The following TTC29 variants were observed in gnomAD, a reference collection of about 807,000 sequenced individuals.
The protein encoded by TTC29 is tetratricopeptide repeat domain 29, also known as tetratricopeptide repeat protein 29.
In TTC29, 49 loss-of-function variants were observed where a neutral mutation model predicts 58.1. The ratio of observed to expected loss-of-function variants is 0.84; its 90% confidence interval spans 0.67 to 1.07. The LOEUF is 1.07. Among genes scored for constraint, TTC29 ranks in the 50% least tolerant of loss-of-function variants. TTC29 has a pLI of 0.00. For synonymous variants in TTC29, 209 were observed against 196.8 expected, an observed-to-expected ratio of 1.06 and a Z score of -0.52; for missense variants, 582 against 555.6, an observed-to-expected ratio of 1.05 and a Z score of -0.48.
At chr4:146,806,468 G>A (rs1324929328) in intron 10 of TTC29, among the ~76,000 whole-genome samples, 1 of 152,198 alleles carries the variant, frequency 6.6e-6, no homozygotes, top group Non-Finnish European at 1.5e-5. Context: ...ACCCATCGGT[G>A]TGCTTTATTC....
At chr4:146,842,201 G>T (rs1181678064) in intron 8 of TTC29, among the ~76,000 whole-genome samples, 4 of 152,004 alleles carry the variant, frequency 2.6e-5, no homozygotes, top group Non-Finnish European at 5.9e-5. Flanking sequence ...GAAACCCTCA[G>T]CTGGCCTTTG....
rs115228998 is a variant in TTC29, at chr4:146,845,758, C to T, written c.886-11861G>A. The stretch of plus-strand genomic sequence containing the variant: ...CCAGGCCCTTGTTAATTGCAGGCCC[C>T]GCTGCCTGCATTGTTCTTTCTCATT... On this transcript the variant is annotated intron_variant, in intron 8 of 12. Coordinates refer to ENST00000325106, the MANE Select transcript of TTC29 (RefSeq NM_031956.4). 2.8e-3 allele frequency among the ~76,000 whole-genome samples: 429 copies of T among 152,188 alleles called. 3 individuals are homozygous for T. Among genetic ancestry groups the T allele is most frequent in the African/African-American group, 9.8e-3 (407 of 41,522 alleles).
At chr4:146,905,707 G>T (rs1205296495) in intron 5 of TTC29, among the ~76,000 whole-genome samples, 1 of 152,044 alleles carries the variant, frequency 6.6e-6, no homozygotes, top group Non-Finnish European at 1.5e-5. Context: ...GGTTTCTTAT[G>T]CTCCTTAAAA....
At chr4:146,942,310 T>C (rs1022084122) in intron 2 of TTC29, among the ~76,000 whole-genome samples, 2 of 152,226 alleles carry the variant, frequency 1.3e-5, no homozygotes, top group African/African-American at 2.4e-5. Context: ...TGCTTTAAAG[T>C]GCACAATCTA....
At chr4:146,749,989 G>A in intron 11 of TTC29, among the ~76,000 whole-genome samples, 1 of 151,934 alleles carries the variant, frequency 6.6e-6, no homozygotes, top group East Asian at 1.9e-4. Flanking sequence ...AACAAAAACT[G>A]AGGGAATTTA....
At chr4:146,723,277 AC>A in intron 11 of TTC29, among the ~76,000 whole-genome samples, 1 of 152,204 alleles carries the variant, frequency 6.6e-6, no homozygotes, top group East Asian at 1.9e-4. Flanking sequence ...AAGACCTCAA[AC>A]AATAAGAATC....
intron 11 of TTC29, among the ~76,000 whole-genome samples, chr4:146,739,346 C>A (rs78375917): frequency 6.6e-6 from 1 of 152,170 alleles, no homozygotes; most frequent in Non-Finnish European, 1.5e-5. Flanking sequence ...TTCACCCTGA[C>A]GTCATTCCTT....
chr4:146,797,307 G>A (rs973696023), intron 11 of TTC29, among the ~76,000 whole-genome samples: 1 of 152,158 alleles, frequency 6.6e-6, no homozygotes, highest in African/African-American at 2.4e-5. Flanking sequence ...AATTTAAAAA[G>A]AAAAATTATT....
intron 6 of TTC29, among the ~76,000 whole-genome samples, chr4:146,893,586 GA>G (rs1448923495): frequency 3.3e-5 from 5 of 152,274 alleles, no homozygotes; most frequent in Admixed American, 2.6e-4. Context: ...AACCCTGGAA[GA>G]AAACCTAGGC....
chr4:146,772,600 G>T (rs531530874), intron 11 of TTC29, among the ~76,000 whole-genome samples: 1 of 152,242 alleles, frequency 6.6e-6, no homozygotes, highest in South Asian at 2.1e-4. Context: ...TTTTGTACCA[G>T]TACCATGTGA....
In TTC29 at chr4:146,939,801, T is replaced by C; in HGVS notation, c.92+3A>G. The C allele has an allele frequency of 2.5e-6, 4 of 1,610,912 alleles. No homozygotes were observed. The highest frequency in any genetic ancestry group is 3.4e-6 in the Non-Finnish European group (4 of 1,178,848). ...AAAATAAGTAAAAACCAGGGGCACG[T>C]ACCTTGGAATTTTTCTGGAGGAGCA... On this transcript the variant is annotated splice_donor_region_variant and intron_variant, in intron 3 of 12. Transcript: ENST00000325106.
chr4:146,738,303 T>G (rs1176135249), intron 11 of TTC29, among the ~76,000 whole-genome samples: 1 of 152,098 alleles, frequency 6.6e-6, no homozygotes, highest in Non-Finnish European at 1.5e-5. Flanking sequence ...ATTAACAACT[T>G]TAAGGAGCCT....
intron 11 of TTC29, among the ~76,000 whole-genome samples, chr4:146,756,170 A>G (rs1746433772): frequency 6.6e-6 from 1 of 150,998 alleles, no homozygotes. Flanking sequence ...GCTACTTGGG[A>G]GGCTGAGGAG....
At chr4:146,904,207 T>A (rs1016242101) in intron 5 of TTC29, among the ~76,000 whole-genome samples, 2 of 152,264 alleles carry the variant, frequency 1.3e-5, no homozygotes, top group Non-Finnish European at 2.9e-5. Context: ...GTATTTCATA[T>A]CATAAAAATG....
intron 11 of TTC29, among the ~76,000 whole-genome samples, chr4:146,736,495 CA>C (rs1744717251): frequency 6.6e-6 from 1 of 152,132 alleles, no homozygotes. Flanking sequence ...AGTAATTGGA[CA>C]TGCTAGACAG....
intron 8 of TTC29, among the ~76,000 whole-genome samples, chr4:146,851,394 A>G (rs1484236390): frequency 6.6e-6 from 1 of 152,204 alleles, no homozygotes; most frequent in African/African-American, 2.4e-5. Context: ...TAATCACTAG[A>G]TCAAAATCAT....
intron 4 of TTC29, among the ~76,000 whole-genome samples, chr4:146,925,194 A>T (rs776615252): frequency 6.6e-6 from 1 of 152,030 alleles, no homozygotes; most frequent in Non-Finnish European, 1.5e-5. Context: ...TGTTTGGTGG[A>T]ATATTCTGTA....
At chr4:146,716,971 G>A (rs2149999181) in intron 11 of TTC29, among the ~76,000 whole-genome samples, 1 of 152,178 alleles carries the variant, frequency 6.6e-6, no homozygotes, top group East Asian at 1.9e-4. Flanking sequence ...ACATTTCCTG[G>A]AGCTTGTTAG....
At chr4:146,726,156 G>A in intron 11 of TTC29, among the ~76,000 whole-genome samples, 1 of 152,082 alleles carries the variant, frequency 6.6e-6, no homozygotes, top group East Asian at 1.9e-4. Context: ...GATTACAGGT[G>A]TAAGCCATCA....
Sources: allele counts gnomAD v4.1 joint callset (sites outside exome capture counted in the v4.1 genomes callset), GRCh38; gene constraint gnomAD v4.1.1; transcripts MANE v1.5; gene names NCBI Gene and HGNC (gene_info 2026-07-23, HGNC 2026-07-21).